NTRK3: variants seen among roughly 807,000 people sequenced by gnomAD.
NTRK3 encodes neurotrophic receptor tyrosine kinase 3, also known as NT-3 growth factor receptor.
Under a neutral mutation model 91.7 loss-of-function variants are expected in NTRK3, and 24 were observed. The ratio of observed to expected loss-of-function variants is 0.26; its 90% CI spans 0.19 to 0.37. The LOEUF (loss-of-function observed/expected upper bound fraction) is 0.37. NTRK3 is among the 10% of genes least tolerant of loss of function. NTRK3 has a pLI of 1.00. For missense variants in NTRK3, 880 were observed against 1,068.9 expected (o/e 0.82, Z 2.46); for synonymous variants, 483 against 404.0 (o/e 1.20, Z -2.34).
chr15:88,223,021 G>C (rs760948456), intron 3 of NTRK3, among the ~76,000 whole-genome samples: 3 of 152,166 alleles, frequency 2.0e-5, no homozygotes, highest in Non-Finnish European at 4.4e-5. Flanking sequence ...GGAGAGGAAG[G>C]AGATGGGGCG....
At chr15:88,090,466 T>C (rs554175330) in intron 13 of NTRK3, among the ~76,000 whole-genome samples, 2 of 152,272 alleles carry the variant, frequency 1.3e-5, no homozygotes, top group Admixed American at 1.3e-4. Flanking sequence ...CATTCTCCTA[T>C]AAATATATAC....
intron 14 of NTRK3, among the ~76,000 whole-genome samples, chr15:88,013,330 G>T (rs1302813665): frequency 2.0e-5 from 3 of 152,226 alleles, no homozygotes; most frequent in Non-Finnish European, 2.9e-5. Context: ...AAGGAACAGG[G>T]TTCCTTCTCT....
intron 3 of NTRK3, among the ~76,000 whole-genome samples, chr15:88,221,499 A>G (rs1428604754): frequency 6.6e-6 from 1 of 152,220 alleles, no homozygotes; most frequent in African/African-American, 2.4e-5. Flanking sequence ...CTTTTTCAAC[A>G]AGGAGTTTAC....
chr15:87,932,016 C>G (rs16941044), intron 16 of NTRK3, among the ~76,000 whole-genome samples: 2,581 of 152,318 alleles, frequency 0.017, 56 homozygotes, highest in African/African-American at 0.038. Context: ...GTTCCAAAGA[C>G]CTTCACATGG....
chr15:87,951,148 G>A (rs923977919), intron 14 of NTRK3, among the ~76,000 whole-genome samples: 9 of 152,268 alleles, frequency 5.9e-5, no homozygotes, highest in African/African-American at 1.4e-4. Flanking sequence ...TGGGGTACCC[G>A]TCCCCACTTC....
intron 17 of NTRK3, among the ~76,000 whole-genome samples, chr15:87,924,340 C>T (rs1446535895): frequency 6.6e-6 from 1 of 152,086 alleles, no homozygotes; most frequent in African/African-American, 2.4e-5. Flanking sequence ...AAATGATTCC[C>T]ACTTCCTAAG....
intron 13 of NTRK3, among the ~76,000 whole-genome samples, chr15:88,094,959 T>C (rs1164694045): frequency 6.6e-6 from 1 of 152,262 alleles, no homozygotes; most frequent in Non-Finnish European, 1.5e-5. Flanking sequence ...AACAGCTAAC[T>C]GAGGATGGAA....
At chr15:88,140,953 G>A (rs2042332298) in intron 6 of NTRK3, among the ~76,000 whole-genome samples, 1 of 152,080 alleles carries the variant, frequency 6.6e-6, no homozygotes, top group African/African-American at 2.4e-5. Flanking sequence ...TAAAAGAAGA[G>A]GAAAAAGCAA....
intron 3 of NTRK3, among the ~76,000 whole-genome samples, chr15:88,198,406 T>C (rs1447961892): frequency 1.3e-5 from 2 of 152,166 alleles, no homozygotes; most frequent in African/African-American, 4.8e-5. Context: ...AGAATGTCAG[T>C]GGAGCTGAAT....
chr15:88,242,541 G>A (rs1408329840), intron 3 of NTRK3, among the ~76,000 whole-genome samples: 1 of 152,198 alleles, frequency 6.6e-6, no homozygotes, highest in African/African-American at 2.4e-5. Context: ...TAGATCATTT[G>A]TCTAATACCT....
chr15:87,932,236 C>G (rs1282272512), intron 16 of NTRK3, among the ~76,000 whole-genome samples: 2 of 152,186 alleles, frequency 1.3e-5, no homozygotes, highest in Admixed American at 6.5e-5. Context: ...CGGAGAAACC[C>G]TTCTTACAAC....
rs537488863 is a variant in NTRK3 at position 88,237,562 on chromosome 15, T to A, written c.248+18344A>T. Among the ~76,000 whole-genome samples the A allele has an allele frequency of 1.3e-5, 2 of 152,222 alleles. No homozygotes were observed. Among genetic ancestry groups the A allele is most frequent in the Middle Eastern group, 6.3e-3 (2 of 316 alleles). On this transcript the variant is annotated intron_variant, in intron 3 of 18. Coordinates refer to ENST00000394480, the Ensembl canonical transcript of NTRK3. This position sits in a 1 kb window ranked among gnomAD's most constrained non-coding sequence, Gnocchi z 4.0. ...CATGCACTTTATATATGAGTTGTTT[T>A]GCTTATTTACACCTGAGATCTAAAT...
intron 14 of NTRK3, among the ~76,000 whole-genome samples, chr15:87,956,869 G>GT (rs2071720130): frequency 6.6e-6 from 1 of 152,212 alleles, no homozygotes; most frequent in Non-Finnish European, 1.5e-5. Flanking sequence ...ACGCTGCTCT[G>GT]TTTTTTAGGG....
intron 13 of NTRK3, among the ~76,000 whole-genome samples, chr15:88,103,398 TC>T (rs1194658784): frequency 6.6e-6 from 1 of 152,012 alleles, no homozygotes; most frequent in Non-Finnish European, 1.5e-5. Flanking sequence ...TTGCCAGGCT[TC>T]ACTACTGCTT....
chr15:87,900,786 C>T (rs2066405694), intron 17 of NTRK3, among the ~76,000 whole-genome samples: 1 of 151,634 alleles, frequency 6.6e-6, no homozygotes, highest in East Asian at 1.9e-4. Context: ...ACGGCCCTGC[C>T]TTAGTTTGCA....
intron 17 of NTRK3, among the ~76,000 whole-genome samples, chr15:87,883,183 G>C (rs936582850): frequency 2.0e-5 from 3 of 150,312 alleles, no homozygotes; most frequent in Non-Finnish European, 3.0e-5. Context: ...TTTACACGTT[G>C]TCTGTTGTTT....
At chr15:88,214,099 A>G (rs1221981544) in intron 3 of NTRK3, among the ~76,000 whole-genome samples, 1 of 151,940 alleles carries the variant, frequency 6.6e-6, no homozygotes, top group Non-Finnish European at 1.5e-5. Context: ...AAAAAAACAA[A>G]AGAAATGAGG....
At chr15:88,137,997 A>C (rs1023217736) in intron 6 of NTRK3, among the ~76,000 whole-genome samples, 2 of 150,396 alleles carry the variant, frequency 1.3e-5, no homozygotes, top group African/African-American at 4.9e-5. Context: ...GTTGCAGTGA[A>C]CTGAGATCAC....
intron 3 of NTRK3, among the ~76,000 whole-genome samples, chr15:88,222,309 CT>C (rs1400813842): frequency 2.0e-5 from 3 of 152,196 alleles, no homozygotes; most frequent in African/African-American, 4.8e-5. Context: ...GCAGCAGGTA[CT>C]GTTATTATTC....
Sources: allele counts gnomAD v4.1 joint callset (sites outside exome capture counted in the v4.1 genomes callset), GRCh38; gene constraint gnomAD v4.1.1; non-coding constraint Gnocchi (gnomAD v3.1); transcripts MANE v1.5; gene names NCBI Gene and HGNC (gene_info 2026-07-23, HGNC 2026-07-21).